CHCHD3: variants seen among roughly 807,000 people sequenced by gnomAD.
The protein encoded by CHCHD3 is coiled-coil-helix-coiled-coil-helix domain containing 3, also known as MICOS complex subunit MIC19.
A neutral mutation model predicts 38.2 loss-of-function variants in CHCHD3; 20 were observed. That is an observed-to-expected ratio of 0.52 (90% CI 0.37 to 0.76). The LOEUF (loss-of-function observed/expected upper bound fraction) is 0.76. Among genes scored for constraint, CHCHD3 ranks in the 30% least tolerant of loss-of-function variants. CHCHD3 has a pLI of 0.00. For missense variants in CHCHD3, 245 were observed against 279.2 expected (o/e 0.88, Z 0.87); for synonymous variants, 82 against 100.0 (o/e 0.82, Z 1.07).
At chr7:132,825,944 C>T (rs1481670994) in intron 6 of CHCHD3, among the ~76,000 whole-genome samples, 2 of 152,338 alleles carry the variant, frequency 1.3e-5, no homozygotes, top group East Asian at 1.9e-4. Context: ...GCCAAGCAAG[C>T]TTCTACCATA....
At chr7:132,865,989 T>C (rs1562889834) in intron 5 of CHCHD3, among the ~76,000 whole-genome samples, 1 of 152,180 alleles carries the variant, frequency 6.6e-6, no homozygotes, top group Non-Finnish European at 1.5e-5. Flanking sequence ...TAGCCTCCAG[T>C]GGTATAGTGA....
rs146989881 is a variant in CHCHD3, at chr7:132,854,358, G to A, written c.454-15889C>T. Among the ~76,000 whole-genome samples the A allele has an allele frequency of 1.2e-4, 19 of 152,008 alleles. 1 individual carries two copies. The highest frequency in any genetic ancestry group is 3.4e-3 in the Middle Eastern group (1 of 294). On this transcript the variant is annotated intron_variant, in intron 5 of 7. Transcript: ENST00000262570. ...GTTTGTTTTTTCCCCCTTTCCCCAAGAGAAAAAAGGAGAGAAGAAATGTTT... is the reference window on the plus strand; with the variant it reads ...GTTTGTTTTTTCCCCCTTTCCCCAAAAGAAAAAAGGAGAGAAGAAATGTTT...
chr7:133,006,291 C>A (rs1384179600), intron 3 of CHCHD3, among the ~76,000 whole-genome samples: 4 of 151,944 alleles, frequency 2.6e-5, no homozygotes, highest in Non-Finnish European at 4.4e-5. Flanking sequence ...CATGATGAAA[C>A]CCTGTCTCTA....
At position 133,043,645 on chromosome 7, in the gene CHCHD3, C is replaced by CA. The variant is rs765611377; in HGVS notation, c.170-19019dup. Reference sequence around the variant, plus strand: ...TGGGTGACCGGTTGAGACTCCATCTCAAAAAAAAAAAAAAAATAGACAAAA... The same window carrying CA: ...TGGGTGACCGGTTGAGACTCCATCTCAAAAAAAAAAAAAAAAATAGACAAAA... On this transcript the variant is annotated intron_variant, in intron 2 of 7. Coordinates refer to ENST00000262570, the MANE Select transcript of CHCHD3 (RefSeq NM_017812.4). Among the ~76,000 whole-genome samples the CA allele has an allele frequency of 3.0e-3, 298 of 99,006 alleles. 1 individual carries two copies. Among genetic ancestry groups the CA allele is most frequent in the Middle Eastern group, 6.3e-3 (1 of 160 alleles). The allele number at this position is 99,006 out of a possible 152,430, so 65.0% of individuals were successfully genotyped here. A position where few individuals can be genotyped will look rare whatever the true frequency, so the allele number is the denominator to read the frequency against.
chr7:133,078,158 A>G (rs1236433714), intron 1 of CHCHD3, among the ~76,000 whole-genome samples: 6 of 152,078 alleles, frequency 3.9e-5, no homozygotes, highest in Admixed American at 3.9e-4. Flanking sequence ...CATACAAAAA[A>G]GTTAGCAGGG....
intron 5 of CHCHD3, among the ~76,000 whole-genome samples, chr7:132,869,547 G>A (rs948334178): frequency 7.9e-5 from 12 of 152,018 alleles, no homozygotes; most frequent in African/African-American, 2.2e-4. Context: ...TGCCAAATTC[G>A]AAAGCAAATA....
Position 132,998,126 on chromosome 7 carries a change from A to T in CHCHD3, c.252-22840T>A, listed in dbSNP as rs61036830. ...CCAACACAAAATGCTTCCTATACAA[A>T]AATTCAACTATAACACGTATGTGAT... On this transcript the variant is annotated intron_variant, in intron 3 of 7. Coordinates refer to ENST00000262570, the MANE Select transcript of CHCHD3 (RefSeq NM_017812.4). 9.7e-3 allele frequency among the ~76,000 whole-genome samples: 1,485 copies of T among 152,320 alleles called. 34 individuals are homozygous for T. The highest frequency in any genetic ancestry group is 0.034 in the African/African-American group (1,423 of 41,574).
At chr7:132,871,976 G>A (rs1352512345) in intron 5 of CHCHD3, among the ~76,000 whole-genome samples, 2 of 152,254 alleles carry the variant, frequency 1.3e-5, no homozygotes, top group African/African-American at 4.8e-5. Context: ...AACACAGGCA[G>A]AGCAATCTGC....
chr7:132,933,820 A>G (rs1197337887), intron 4 of CHCHD3, among the ~76,000 whole-genome samples: 1 of 152,228 alleles, frequency 6.6e-6, no homozygotes, highest in Non-Finnish European at 1.5e-5. Context: ...AGAAGAGACA[A>G]TGTGCCAGGT....
intron 4 of CHCHD3, among the ~76,000 whole-genome samples, chr7:132,959,737 A>AG (rs1009752351): frequency 4.6e-5 from 7 of 151,484 alleles, no homozygotes; most frequent in African/African-American, 1.7e-4. Flanking sequence ...AAAAAAAAAA[A>AG]AAAGAAAAAG....
chr7:132,895,891 C>T (rs1809482030), intron 4 of CHCHD3, among the ~76,000 whole-genome samples: 1 of 152,168 alleles, frequency 6.6e-6, no homozygotes, highest in African/African-American at 2.4e-5. Context: ...AGATCAAATA[C>T]AAAAAGCCTC....
At chr7:132,914,739 G>A (rs375344637) in intron 4 of CHCHD3, among the ~76,000 whole-genome samples, 11 of 152,180 alleles carry the variant, frequency 7.2e-5, no homozygotes, top group South Asian at 4.1e-4. Context: ...ATGTGTGTGC[G>A]CATGTGGCTC....
At chr7:132,801,380 A>G (rs1443579918) in intron 6 of CHCHD3, among the ~76,000 whole-genome samples, 1 of 152,194 alleles carries the variant, frequency 6.6e-6, no homozygotes, top group Non-Finnish European at 1.5e-5. Flanking sequence ...TTTCCATTTG[A>G]GCTGTAATCA....
chr7:132,943,840 T>A (rs1810832890), intron 4 of CHCHD3, among the ~76,000 whole-genome samples: 2 of 152,146 alleles, frequency 1.3e-5, no homozygotes, highest in Non-Finnish European at 2.9e-5. Context: ...TTTCACTATC[T>A]GTCTCTTCAT....
At chr7:133,036,543 T>C (rs1484461500) in intron 2 of CHCHD3, among the ~76,000 whole-genome samples, 1 of 152,194 alleles carries the variant, frequency 6.6e-6, no homozygotes, top group South Asian at 2.1e-4. Flanking sequence ...ATGTCATATC[T>C]GGTTCATCTT....
chr7:132,872,013 C>G (rs985412234), intron 5 of CHCHD3, among the ~76,000 whole-genome samples: 5 of 152,130 alleles, frequency 3.3e-5, no homozygotes, highest in African/African-American at 1.2e-4. Flanking sequence ...TGGAGATCTC[C>G]TAGGAAGGAA....
At chr7:133,073,595 T>C (rs182015591) in intron 1 of CHCHD3, among the ~76,000 whole-genome samples, 2 of 152,276 alleles carry the variant, frequency 1.3e-5, no homozygotes, top group African/African-American at 4.8e-5. Context: ...AATTCAAACA[T>C]AGGGCTTGTT....
At chr7:133,018,303 A>C (rs1455663037) in intron 3 of CHCHD3, among the ~76,000 whole-genome samples, 1 of 152,224 alleles carries the variant, frequency 6.6e-6, no homozygotes, top group Non-Finnish European at 1.5e-5. Context: ...ACACCTGGAC[A>C]TCAGCTGTGT....
chr7:132,961,209 G>T (rs1811308800), intron 4 of CHCHD3, among the ~76,000 whole-genome samples: 1 of 152,138 alleles, frequency 6.6e-6, no homozygotes, highest in Non-Finnish European at 1.5e-5. Context: ...TTGAGCCCAG[G>T]AGGTCGAGGC....
Sources: allele counts gnomAD v4.1 joint callset (sites outside exome capture counted in the v4.1 genomes callset), GRCh38; gene constraint gnomAD v4.1.1; transcripts MANE v1.5; gene names NCBI Gene and HGNC (gene_info 2026-07-23, HGNC 2026-07-21).